Variants in LIPC observed in about 807,000 individuals in gnomAD.
LIPC encodes the protein hepatic triacylglycerol lipase.
Under a neutral mutation model 50.7 loss-of-function variants are expected in LIPC, and 44 were observed. The observed-to-expected ratio is 0.87, with a 90% CI of 0.68 to 1.11. The LOEUF (loss-of-function observed/expected upper bound fraction) is 1.11. Among genes scored for constraint, LIPC ranks in the 50% most tolerant of loss-of-function variants. LIPC has a pLI of 0.00. For missense variants in LIPC, 697 were observed against 648.2 expected, an observed-to-expected ratio of 1.08 and a Z score of -0.82; for synonymous variants, 271 against 256.4, an observed-to-expected ratio of 1.06 and a Z score of -0.54.
chr15:58,476,973 A>G (rs1003484804), intron 1 of LIPC, among the ~76,000 whole-genome samples: 26 of 152,046 alleles, frequency 1.7e-4, no homozygotes, highest in Admixed American at 5.2e-4. Context: ...AAATCAAACA[A>G]CCTGGTCTCA....
chr15:58,532,698 G>A (rs116392172), intron 1 of LIPC, among the ~76,000 whole-genome samples: 2,538 of 152,228 alleles, frequency 0.017, 84 homozygotes, highest in African/African-American at 0.058. Context: ...CATCATGGGC[G>A]GGAGGCAGAT....
intron 1 of LIPC, among the ~76,000 whole-genome samples, chr15:58,445,443 G>A (rs1893661460): frequency 6.6e-6 from 1 of 152,206 alleles, no homozygotes; most frequent in Non-Finnish European, 1.5e-5. Flanking sequence ...TTCTCATCAT[G>A]TGCCTGCCTC....
chr15:58,515,550 A>ATATATATATATATC (rs1566935655), intron 1 of LIPC, among the ~76,000 whole-genome samples: 12 of 151,134 alleles, frequency 7.9e-5, no homozygotes, highest in African/African-American at 2.7e-4. Flanking sequence ...ATATATATAT[A>ATATATATATATATC]TATCTCAAAA....
chr15:58,505,487 G>A (rs1169127684), intron 1 of LIPC, among the ~76,000 whole-genome samples: 4 of 152,212 alleles, frequency 2.6e-5, no homozygotes, highest in Non-Finnish European at 4.4e-5. Flanking sequence ...GGTGGTGGTG[G>A]TGAATGGTCT....
At position 58,489,229 on chromosome 15, in the gene LIPC, GGC is replaced by G. The variant is rs1566926451; in HGVS notation, c.89-49102_89-49101del. Among the ~76,000 whole-genome samples the G allele has an allele frequency of 2.0e-4, 20 of 101,762 alleles. 4 individuals carry two copies. Among genetic ancestry groups the G allele is most frequent in the Non-Finnish European group, 3.8e-4 (18 of 46,824 alleles). The allele number at this position is 101,762 out of a possible 152,430, so 66.8% of individuals were successfully genotyped here. A position where few individuals can be genotyped will look rare whatever the true frequency, so the allele number is the denominator to read the frequency against. ...ATTCATTTTGTTGCGGGGGCGGGGG[GGC>G]GGCTTACAAGCTTCCCAGGGTTCAG... On this transcript the variant is annotated intron_variant, in intron 1 of 8. Coordinates refer to ENST00000299022, the MANE Select transcript of LIPC (RefSeq NM_000236.3).
intron 8 of LIPC, among the ~76,000 whole-genome samples, chr15:58,567,117 G>T (rs551827696): frequency 4.0e-5 from 6 of 149,884 alleles, no homozygotes; most frequent in African/African-American, 1.5e-4. Flanking sequence ...CAAAGGAATC[G>T]CTTGAACCCA....
At chr15:58,500,998 G>C (rs1891967351) in intron 1 of LIPC, among the ~76,000 whole-genome samples, 1 of 151,972 alleles carries the variant, frequency 6.6e-6, no homozygotes, top group Non-Finnish European at 1.5e-5. Flanking sequence ...CATTCTCGCA[G>C]CCAATCCATA....
intron 1 of LIPC, chr15:58,494,784 T>C (rs757674344): frequency 3.1e-5 from 14 of 456,150 alleles, no homozygotes; most frequent in Middle Eastern, 3.2e-4. Context: ...TGAATGCACA[T>C]AAGGAATCTG....
chr15:58,502,341 A>C (rs1892010490), intron 1 of LIPC, among the ~76,000 whole-genome samples: 1 of 151,964 alleles, frequency 6.6e-6, no homozygotes, highest in Non-Finnish European at 1.5e-5. Context: ...GATTGGATGC[A>C]CCTGGACAGC....
chr15:58,507,571 G>T (rs1892192321), intron 1 of LIPC, among the ~76,000 whole-genome samples: 1 of 152,158 alleles, frequency 6.6e-6, no homozygotes, highest in South Asian at 2.1e-4. Context: ...TCACTAAAGT[G>T]GTCCCTCTTA....
chr15:58,435,390 C>T (rs1251880538), intron 1 of LIPC: 1 of 147,690 alleles, frequency 6.8e-6, no homozygotes, highest in African/African-American at 2.5e-5. Flanking sequence ...CCTTGGCCTG[C>T]AAACCACTGC....
chr15:58,484,863 G>C (rs952722130), intron 1 of LIPC, among the ~76,000 whole-genome samples: 39 of 152,226 alleles, frequency 2.6e-4, no homozygotes, highest in African/African-American at 8.9e-4. Flanking sequence ...ATGATGAACA[G>C]GAGTTAACTA....
At chr15:58,477,973 C>T (rs149117205) in intron 1 of LIPC, among the ~76,000 whole-genome samples, 141 of 152,066 alleles carry the variant, frequency 9.3e-4, no homozygotes, top group Admixed American at 3.6e-3. Flanking sequence ...TCCTCTCCAG[C>T]CAGGGGGACG....
At chr15:58,472,163 C>A (rs28478642) in intron 1 of LIPC, among the ~76,000 whole-genome samples, 5 of 148,506 alleles carry the variant, frequency 3.4e-5, no homozygotes, top group African/African-American at 1.2e-4. Flanking sequence ...CCCAGCTACT[C>A]GGGAGGCTGA....
intron 1 of LIPC, among the ~76,000 whole-genome samples, chr15:58,471,329 G>GGT (rs1555399301): frequency 1.1e-3 from 8 of 7,368 alleles, no homozygotes; most frequent in Non-Finnish European, 1.3e-3. Flanking sequence ...TAGTAGAGAT[G>GGT]GGGGGGGGTG....
rs180675805 is a variant in LIPC, at chr15:58,489,220, G to T, written c.89-49113G>T. Among the ~76,000 whole-genome samples the T allele has an allele frequency of 8.1e-3, 261 of 32,120 alleles. 31 individuals carry two copies. Among genetic ancestry groups the T allele is most frequent in the Middle Eastern group, 0.05 (4 of 80 alleles). The allele number at this position is 32,120 out of a possible 152,430, so 21.1% of individuals were successfully genotyped here. On this transcript the variant is annotated intron_variant, in intron 1 of 8. Transcript: ENST00000299022. ...CCATTAGGGATTCATTTTGTTGCGG[G>T]GGCGGGGGGGCGGCTTACAAGCTTC...
chr15:58,515,075 C>T (rs1185679377), intron 1 of LIPC, among the ~76,000 whole-genome samples: 2 of 152,146 alleles, frequency 1.3e-5, no homozygotes, highest in Non-Finnish European at 2.9e-5. Flanking sequence ...TCTTTAAAGC[C>T]AGCAGCATAG....
chr15:58,505,493 G>A (rs1258535526), intron 1 of LIPC, among the ~76,000 whole-genome samples: 1 of 152,186 alleles, frequency 6.6e-6, no homozygotes, highest in Non-Finnish European at 1.5e-5. Context: ...GGTGGTGAAT[G>A]GTCTGCCAGC....
At chr15:58,468,811 A>C (rs1326541941) in intron 1 of LIPC, among the ~76,000 whole-genome samples, 1 of 152,158 alleles carries the variant, frequency 6.6e-6, no homozygotes, top group Non-Finnish European at 1.5e-5. Context: ...TAGGCTGGTA[A>C]TATTTTTAAT....
Sources: gnomAD v4.1 joint callset for allele counts (sites outside exome capture counted in the v4.1 genomes callset) on GRCh38, gnomAD v4.1.1 for gene constraint, MANE v1.5 for transcripts, NCBI Gene and HGNC (gene_info 2026-07-23, HGNC 2026-07-21) for gene names.